PKN3: variants seen among roughly 807,000 people sequenced by gnomAD.
The protein encoded by PKN3 is serine/threonine-protein kinase N3.
In PKN3, 91 loss-of-function variants were observed where a neutral mutation model predicts 113.1. The observed-to-expected ratio is 0.80, with a 90% CI of 0.68 to 0.96. PKN3 has a LOEUF of 0.96. PKN3 is among the 40% of genes least tolerant of loss of function. The pLI, the probability that PKN3 is intolerant of heterozygous loss-of-function variation, is 0.00. For synonymous variants in PKN3, 467 were observed against 499.0 expected (o/e 0.94, Z 0.85); for missense variants, 1,052 against 1,202.2 (o/e 0.88, Z 1.85).
chr9:128,706,991 C>T lies in PKN3; in HGVS notation c.619C>T (p.Arg207Trp), dbSNP rs768409176. 3.8e-5 allele frequency: 61 copies of T among 1,614,056 alleles called. No homozygotes were observed. Among genetic ancestry groups the T allele is most frequent in the Non-Finnish European group, 4.6e-5 (54 of 1,180,020 alleles). ...GAACGTGGTGAAACTGCTTAGTAGC[C>T]GGAGAACACAGGACCGCAAGGCACT... is the stretch of plus-strand genomic sequence containing the variant. ...AKNVVKLLSS[R>W]RTQDRKALAE... Residue 207 changes from arginine (R) to tryptophan (W), a missense_variant, in exon 5 of 22, where the codon CGG becomes TGG. By Grantham distance (101) the Arg-to-Trp change is moderately radical. Coordinates refer to ENST00000291906, the MANE Select transcript of PKN3 (RefSeq NM_013355.5).
intron 6 of PKN3, chr9:128,709,945 G>A (rs1862130402): frequency 6.7e-6 from 1 of 148,740 alleles, no homozygotes; most frequent in African/African-American, 2.5e-5. Flanking sequence ...TCCGAGCAGA[G>A]TGAGACTCTG....
In PKN3 at chr9:128,713,338, A is replaced by C; in HGVS notation, c.1043A>C (p.Gln348Pro). 1 of 1,614,108 alleles carries C rather than the reference A, an allele frequency of 6.2e-7. No individual in the cohort carries two copies. Among genetic ancestry groups the C allele is most frequent in the Non-Finnish European group, 8.5e-7 (1 of 1,180,024 alleles). The change falls in exon 8 of 22, where the codon CAG becomes CCG. Residue 348 changes from glutamine to proline, a missense_variant. Coordinates refer to ENST00000291906, the MANE Select transcript of PKN3 (RefSeq NM_013355.5). ...NRVVGQTGWG[Q>P]VAEQSWDQTF... is the part of the protein sequence containing the mutation. Reference sequence around the variant, plus strand: ...GTTGTGGGGCAGACGGGCTGGGGGCAGGTGGCCGAACAGTCCTGGGACCAG... The same window carrying C: ...GTTGTGGGGCAGACGGGCTGGGGGCCGGTGGCCGAACAGTCCTGGGACCAG...
chr9:128,717,688 A>T (rs1470170438), intron 16 of PKN3, among the ~76,000 whole-genome samples: 1 of 136,736 alleles, frequency 7.3e-6, no homozygotes, highest in African/African-American at 2.8e-5. Flanking sequence ...AGATCCCGCC[A>T]CTTCGGTCTG....
Position 128,706,772 on chromosome 9 carries a change from C to T in PKN3, c.471C>T (p.Ala157=). The change falls in exon 4 of 22, where the codon GCC becomes GCT. Residue 157 remains alanine (A), a synonymous_variant. Transcript: ENST00000291906. ...QMLRDSQLKV[A]LLRMKISSLE... is the part of the protein sequence containing the mutation. ...TGCGGGACAGCCAGCTGAAGGTGGC[C>T]CTGCTGCGGATGAAGATCAGCAGCC... is the stretch of plus-strand genomic sequence containing the variant. The T allele has an allele frequency of 1.2e-6, 2 of 1,609,504 alleles. No individual in the cohort carries two copies. Among genetic ancestry groups the T allele is most frequent in the East Asian group, 2.2e-5 (1 of 44,764 alleles).
At chr9:128,703,638 G>T (rs1343594077) in intron 1 of PKN3, 1 of 985,322 alleles carries the variant, frequency 1.0e-6, no homozygotes, top group Admixed American at 6.1e-5. Flanking sequence ...GCGGACAGGA[G>T]TGGGTCCCCG....
chr9:128,715,199 C>T lies in PKN3; in HGVS notation c.1680C>T (p.Arg560=), dbSNP rs781190410. The T allele has an allele frequency of 1.3e-5, 21 of 1,614,104 alleles. No individual in the cohort carries two copies. Among genetic ancestry groups the T allele is most frequent in the South Asian group, 2.2e-5 (2 of 91,080 alleles). Residue 560 remains arginine (R), a synonymous_variant, in exon 14 of 22, where the codon CGC becomes CGT. Coordinates refer to ENST00000291906, the MANE Select transcript of PKN3 (RefSeq NM_013355.5). The surrounding 1 kb of genome is among the most constrained non-coding windows in gnomAD (Gnocchi z 4.1). ...AACCCCCTCGGCTTCAGGACTTCCG[C>T]TGCTTAGCTGTGCTGGGCCGGGGAC... ...TRKPPRLQDF[R]CLAVLGRGHF...
rs906449332 is a variant in PKN3, at chr9:128,702,732, G to T, written c.-184G>T. On this transcript the variant is annotated 5_prime_UTR_variant, in exon 1 of 22. Transcript: ENST00000291906. ...CTCGGGCGTGGGGTCCCGGGCGCTG[G>T]ATCGGCGCGGACGGGAGGCGGCGCT... 20 of 511,788 alleles carry T rather than the reference G, an allele frequency of 3.9e-5. No homozygotes were observed. In the South Asian group the frequency reaches 5.4e-4, roughly 14 times the overall value. 31.7% of individuals were successfully genotyped at this position (511,788 alleles called of 1,614,324 possible).
chr9:128,703,873 G>T, intron 1 of PKN3: 1 of 985,474 alleles, frequency 1.0e-6, no homozygotes, highest in Non-Finnish European at 1.2e-6. Flanking sequence ...CCGATTTCCT[G>T]CGGGGCTCCG....
chr9:128,708,308 G>A (rs1386868288), intron 6 of PKN3, among the ~76,000 whole-genome samples: 1 of 152,088 alleles, frequency 6.6e-6, no homozygotes, highest in Non-Finnish European at 1.5e-5. Context: ...CTTGAACCCA[G>A]GAGGTGAGGT....
In PKN3 at chr9:128,713,501, C is replaced by T. The variant is rs1438661919; in HGVS notation, c.1095C>T (p.Ala365=). The part of the protein sequence containing the change: ...DQTFVIPLER[A]RELEIGVHWR... ...TCAGCCTGGCCTCCCCAATACAGGC[C>T]CGTGAGCTGGAGATTGGGGTACACT... Residue 365 remains alanine, a splice_region_variant and synonymous_variant, in exon 9 of 22, where the codon GCC becomes GCT. Coordinates refer to ENST00000291906, the MANE Select transcript of PKN3 (RefSeq NM_013355.5). The T allele has an allele frequency of 1.2e-6, 2 of 1,613,956 alleles. No individual in the cohort carries two copies. The highest frequency in any genetic ancestry group is 1.7e-6 in the Non-Finnish European group (2 of 1,180,012).
In PKN3 at chr9:128,720,238, A is replaced by G. The variant is rs7874430; in HGVS notation, c.2412A>G (p.Ala804=). The change falls in exon 21 of 22, where the codon GCA becomes GCG. Residue 804 remains alanine (A), a synonymous_variant. Transcript: ENST00000291906. This position sits in a 1 kb window ranked among gnomAD's most constrained non-coding sequence, Gnocchi z 5.5. ...LQKCPEKRLG[A]GEQDAEEIKV... is the part of the protein sequence containing the mutation. ...AGTGCCCGGAGAAGCGCCTCGGGGC[A>G]GGTGAGCAGGATGCCGAGGAGATCA... 4,372 of 1,613,920 alleles carry G rather than the reference A, an allele frequency of 2.7e-3. 34 individuals are homozygous for G. The highest frequency in any genetic ancestry group is 0.022 in the African/African-American group (1,681 of 75,036).
In PKN3 at chr9:128,705,782, G is replaced by C; in HGVS notation, c.314G>C (p.Arg105Pro). ...PRPWAEQLRA[R>P]HLEALRRQLH... ...CCGTGGGCAGAGCAGCTCAGGGCTC[G>C]GCACCTAGAGGCTCTCCGGAGGCAG... Residue 105 changes from arginine to proline, a missense_variant, in exon 3 of 22, where the codon CGG becomes CCG. By Grantham distance (103) the Arg-to-Pro change is moderately radical. Coordinates refer to ENST00000291906, the MANE Select transcript of PKN3 (RefSeq NM_013355.5). 6.2e-7 allele frequency: 1 copy of C among 1,607,892 alleles called. No individual in the cohort carries two copies. Among genetic ancestry groups the C allele is most frequent in the South Asian group, 1.1e-5 (1 of 89,638 alleles).
chr9:128,704,065 G>C, intron 1 of PKN3: 1 of 985,380 alleles, frequency 1.0e-6, no homozygotes, highest in Non-Finnish European at 1.2e-6. Context: ...CTGGGGTGGG[G>C]GGGTCCCTGA....
At chr9:128,703,046 G>A in intron 1 of PKN3, 107 bp downstream of exon 1, 2 of 774,954 alleles carry the variant, frequency 2.6e-6, no homozygotes, top group Non-Finnish European at 3.7e-6. Flanking sequence ...CCCCTCACCC[G>A]CGCCCCTTCC....
chr9:128,705,181 C>T, intron 1 of PKN3, 122 bp from the exon 2 acceptor site: 2 of 1,284,820 alleles, frequency 1.6e-6, no homozygotes, highest in South Asian at 2.8e-5. Flanking sequence ...TTCCAAAACC[C>T]TGTGCGAGTC....
chr9:128,720,343 C>G lies in PKN3; in HGVS notation c.2458-51C>G. 6.2e-7 allele frequency: 1 copy of G among 1,611,620 alleles called. No individual in the cohort carries two copies. Among genetic ancestry groups the G allele is most frequent in the Non-Finnish European group, 8.5e-7 (1 of 1,178,594 alleles). On this transcript the variant is annotated intron_variant, in intron 21 of 21. Transcript: ENST00000291906. This position sits in a 1 kb window ranked among gnomAD's most constrained non-coding sequence, Gnocchi z 5.5. ...TGGCAGGGTAGGTGGCATGGAGTGACTCCTGGAGCTGCTGTTCCTGCCGTC... is the reference window on the plus strand; with the variant it reads ...TGGCAGGGTAGGTGGCATGGAGTGAGTCCTGGAGCTGCTGTTCCTGCCGTC...
At chr9:128,713,993 T>C in intron 9 of PKN3, 53 bp from the exon 10 acceptor site, 2 of 1,578,174 alleles carry the variant, frequency 1.3e-6, no homozygotes, top group Non-Finnish European at 8.7e-7. Flanking sequence ...GGAGGTGCCA[T>C]GGCAGATGAG....
chr9:128,702,654 G>C lies in PKN3; in HGVS notation c.-262G>C. ...CGCAGGCGCCGAAGCCCGGGTACTG[G>C]GCCCAGAATCCCGCGGAATTTTGGA... is the stretch of plus-strand genomic sequence containing the variant. On this transcript the variant is annotated 5_prime_UTR_variant, in exon 1 of 22. Transcript: ENST00000291906. 1 of 431,718 alleles carries C rather than the reference G, an allele frequency of 2.3e-6. No homozygotes were observed. Among genetic ancestry groups the C allele is most frequent in the Non-Finnish European group, 4.1e-6 (1 of 246,478 alleles). The allele number at this position is 431,718 out of a possible 1,614,324, so 26.7% of individuals were successfully genotyped here. A position where few individuals can be genotyped will look rare whatever the true frequency, so the allele number is the denominator to read the frequency against.
intron 6 of PKN3, 44 bp downstream of exon 6, chr9:128,707,449 G>C (rs377396117): frequency 5.6e-5 from 84 of 1,510,920 alleles, no homozygotes; most frequent in South Asian, 3.8e-4. Flanking sequence ...CTTCTTTTTG[G>C]GGGGAGGCCG....
Sources: allele counts gnomAD v4.1 joint callset (sites outside exome capture counted in the v4.1 genomes callset), GRCh38; gene constraint gnomAD v4.1.1; non-coding constraint Gnocchi (gnomAD v3.1); transcripts MANE v1.5; gene names NCBI Gene and HGNC (gene_info 2026-07-23, HGNC 2026-07-21).